Variants in LDHC observed in about 807,000 individuals in gnomAD.
The protein encoded by LDHC is lactate dehydrogenase C.
Under a neutral mutation model 30.2 loss-of-function variants are expected in LDHC, and 20 were observed. The ratio of observed to expected loss-of-function variants is 0.66; its 90% CI spans 0.47 to 0.96. LDHC has a LOEUF of 0.96. Ranked by LOEUF, LDHC falls within the 40% of genes least tolerant of loss-of-function variation. The pLI, the probability that LDHC is intolerant of heterozygous loss-of-function variation, is 0.00. For missense variants in LDHC, 362 were observed against 394.9 expected (o/e 0.92, Z 0.71); for synonymous variants, 139 against 132.7 (o/e 1.05, Z -0.32).
chr11:18,415,276 T>C lies in LDHC; in HGVS notation c.219T>C (p.Ser73=), dbSNP rs1478573301. ...MDLQHGSLFF[S]TSKITSGKDY... is the part of the protein sequence containing the mutation. ...TTCAGCATGGCAGTCTTTTCTTTAG[T>C]ACTTCAAAGATTACTTCTGGAAAAG... Residue 73 remains serine (S), a synonymous_variant, in exon 3 of 8, where the codon AGT becomes AGC. Coordinates refer to ENST00000541669, the MANE Select transcript of LDHC (RefSeq NM_017448.5). The C allele has an allele frequency of 3.8e-6, 6 of 1,579,448 alleles. No individual in the cohort carries two copies. The highest frequency in any genetic ancestry group is 3.3e-5 in the Admixed American group (2 of 59,724).
At chr11:18,448,063 A>G (rs1590237656) in intron 7 of LDHC, among the ~76,000 whole-genome samples, 1 of 151,752 alleles carries the variant, frequency 6.6e-6, no homozygotes, top group East Asian at 1.9e-4. Context: ...AAAAAAAAAA[A>G]AAAAAAGATT....
At chr11:18,436,209 A>G (rs1261018023) in intron 5 of LDHC, among the ~76,000 whole-genome samples, 63 of 152,124 alleles carry the variant, frequency 4.1e-4, no homozygotes, top group Non-Finnish European at 2.9e-5. Flanking sequence ...TCTCTGGTAT[A>G]TTTTAATTTC....
At position 18,434,864 on chromosome 11, in the gene LDHC, C is replaced by A; in HGVS notation, c.543C>A (p.His181Gln). 6.2e-7 allele frequency: 1 copy of A among 1,613,240 alleles called. No homozygotes were observed. Among genetic ancestry groups the A allele is most frequent in the Non-Finnish European group, 8.5e-7 (1 of 1,179,238 alleles). The change falls in exon 5 of 8, where the codon CAC becomes CAA. Residue 181 changes from histidine to glutamine, a missense_variant. Coordinates refer to ENST00000541669, the MANE Select transcript of LDHC (RefSeq NM_017448.5). ...TAATTGGAGAAAAGTTGGGTGTCCA[C>A]CCCACAAGCTGCCATGGTTGGATTA... ...RYLIGEKLGV[H>Q]PTSCHGWIIG...
chr11:18,414,570 G>A (rs183428965), intron 2 of LDHC, among the ~76,000 whole-genome samples: 2 of 152,288 alleles, frequency 1.3e-5, no homozygotes, highest in Admixed American at 6.5e-5. Flanking sequence ...GCTCAGGCCT[G>A]TAATCCCAGG....
Position 18,444,604 on chromosome 11 carries a change from G to GTATATATATATATATA in LDHC, c.711-1576_711-1561dup, listed in dbSNP as rs60764598. On this transcript the variant is annotated intron_variant, in intron 6 of 7. Coordinates refer to ENST00000541669, the MANE Select transcript of LDHC (RefSeq NM_017448.5). ...AGGCCCAACCTGCTGTGTTCAGGTG[G>GTATATATATATATATA]TATATATATATATATATATATATAT... Among the ~76,000 whole-genome samples the GTATATATATATATATA allele has an allele frequency of 4.0e-4, 36 of 89,350 alleles. 1 individual carries two copies. The highest frequency in any genetic ancestry group is 6.6e-4 in the Non-Finnish European group (26 of 39,650). The allele number at this position is 89,350 out of a possible 152,430, so 58.6% of individuals were successfully genotyped here. A position where few individuals can be genotyped will look rare whatever the true frequency, so the allele number is the denominator to read the frequency against.
At chr11:18,429,653 G>A in intron 3 of LDHC, 84 bp from the exon 4 acceptor site, 1 of 715,632 alleles carries the variant, frequency 1.4e-6, no homozygotes, top group Non-Finnish European at 2.3e-6. Context: ...ATAATACTAA[G>A]AACATACAAT....
At chr11:18,436,481 G>GATTTTTTTTTTTTT (rs762530928) in intron 5 of LDHC, among the ~76,000 whole-genome samples, 1 of 108,186 alleles carries the variant, frequency 9.2e-6, no homozygotes, top group African/African-American at 3.6e-5. Flanking sequence ...ATAATACAAA[G>GATTTTTTTTTTTTT]TTTTTTTTTT....
intron 6 of LDHC, 33 bp from the exon 7 acceptor site, chr11:18,446,177 T>C (rs1312222047): frequency 1.3e-6 from 2 of 1,563,544 alleles, no homozygotes; most frequent in South Asian, 1.1e-5. Context: ...TGACTTATTA[T>C]GAATTTGATT....
chr11:18,420,868 T>G (rs1336363668), intron 3 of LDHC, among the ~76,000 whole-genome samples: 1 of 151,884 alleles, frequency 6.6e-6, no homozygotes, highest in South Asian at 2.1e-4. Context: ...TATAAAACTG[T>G]AGTCTTGGGG....
chr11:18,432,522 T>C (rs1848285552), intron 4 of LDHC, among the ~76,000 whole-genome samples: 1 of 152,218 alleles, frequency 6.6e-6, no homozygotes, highest in South Asian at 2.1e-4. Context: ...CTTTGTTGAC[T>C]TTCTGTCTTG....
chr11:18,446,324 C>G lies in LDHC; in HGVS notation c.825C>G (p.Thr275=), dbSNP rs769546893. 4 of 1,604,534 alleles carry G rather than the reference C, an allele frequency of 2.5e-6. No individual in the cohort carries two copies. The highest frequency in any genetic ancestry group is 3.4e-6 in the Non-Finnish European group (4 of 1,171,624). ...KNLRRVHPVS[T]MVKGLYGIKE... is the part of the protein sequence containing the mutation. The stretch of plus-strand genomic sequence containing the variant: ...TTAGGAGAGTGCACCCAGTTTCCAC[C>G]ATGGTTAAGGTAGGCTTAAATTAAA... Residue 275 remains threonine, a synonymous_variant, in exon 7 of 8, where the codon ACC becomes ACG. Coordinates refer to ENST00000541669, the MANE Select transcript of LDHC (RefSeq NM_017448.5).
chr11:18,426,881 A>G (rs1322754816), intron 3 of LDHC, among the ~76,000 whole-genome samples: 1 of 152,154 alleles, frequency 6.6e-6, no homozygotes, highest in East Asian at 1.9e-4. Flanking sequence ...ACCACATATC[A>G]TTTATGAATG....
intron 7 of LDHC, among the ~76,000 whole-genome samples, chr11:18,449,059 G>A (rs1848604880): frequency 6.6e-6 from 1 of 151,836 alleles, no homozygotes. Flanking sequence ...AGAGAAGAGA[G>A]ATGACAGGAG....
chr11:18,425,178 ATT>A (rs113339108), intron 3 of LDHC, among the ~76,000 whole-genome samples: 1 of 146,920 alleles, frequency 6.8e-6, no homozygotes, highest in Non-Finnish European at 1.5e-5. Flanking sequence ...AAATTTGGGG[ATT>A]TTTTTTTTTG....
At chr11:18,444,084 A>G (rs1848509578) in intron 6 of LDHC, among the ~76,000 whole-genome samples, 1 of 152,144 alleles carries the variant, frequency 6.6e-6, no homozygotes, top group Non-Finnish European at 1.5e-5. Flanking sequence ...ATTTAATAGG[A>G]TGTCCTTACT....
chr11:18,437,867 C>A (rs1436539762), intron 5 of LDHC, among the ~76,000 whole-genome samples: 1 of 151,588 alleles, frequency 6.6e-6, no homozygotes, highest in Non-Finnish European at 1.5e-5. Flanking sequence ...GAGTTTAAGA[C>A]CAGCCTGGCC....
At chr11:18,440,445 G>A (rs1398028341) in intron 6 of LDHC, among the ~76,000 whole-genome samples, 1 of 152,100 alleles carries the variant, frequency 6.6e-6, no homozygotes. Flanking sequence ...ATGCCTTTTA[G>A]TTTTAAAAGT....
At chr11:18,422,697 G>T (rs1848085603) in intron 3 of LDHC, among the ~76,000 whole-genome samples, 1 of 151,978 alleles carries the variant, frequency 6.6e-6, no homozygotes, top group Non-Finnish European at 1.5e-5. Context: ...ATTAGAAGAT[G>T]TTAAATGTCA....
chr11:18,424,107 G>A (rs1027344264), intron 3 of LDHC, among the ~76,000 whole-genome samples: 3 of 152,156 alleles, frequency 2.0e-5, no homozygotes, highest in African/African-American at 4.8e-5. Flanking sequence ...AAGTTTGGCC[G>A]GGTGCGGTGG....
Sources: gnomAD v4.1 joint callset for allele counts (sites outside exome capture counted in the v4.1 genomes callset) on GRCh38, gnomAD v4.1.1 for gene constraint, MANE v1.5 for transcripts, NCBI Gene and HGNC (gene_info 2026-07-23, HGNC 2026-07-21) for gene names.